PTRH1: variants seen among roughly 807,000 people sequenced by gnomAD.
PTRH1 encodes peptidyl-tRNA hydrolase.
Under a neutral mutation model 15.7 loss-of-function variants are expected in PTRH1, and 13 were observed. The observed-to-expected ratio is 0.83, with a 90% CI of 0.54 to 1.31. The LOEUF (loss-of-function observed/expected upper bound fraction) is 1.31, where lower values mean the gene tolerates loss of function less well. Among genes scored for constraint, PTRH1 ranks in the 40% most tolerant of loss-of-function variants. The probability of loss-of-function intolerance (pLI) is 0.00; values close to 1 mark genes in which losing one functional copy is unlikely to be tolerated. For missense variants in PTRH1, 319 were observed against 296.2 expected, an observed-to-expected ratio of 1.08 and a Z score of -0.56; for synonymous variants, 139 against 136.7, an observed-to-expected ratio of 1.02 and a Z score of -0.12.
chr9:127,697,084 A>G (rs1397826335), intron 1 of PTRH1, among the ~76,000 whole-genome samples: 8 of 152,240 alleles, frequency 5.3e-5, no homozygotes, highest in Admixed American at 5.2e-4. Context: ...ATTACCTGTT[A>G]TAAAAGAACA....
chr9:127,713,390 C>A (rs201243317), downstream of PTRH1: 100 of 528,054 alleles, frequency 1.9e-4, no homozygotes, highest in East Asian at 3.1e-3. Context: ...CATGCCCACA[C>A]ATGCCCTGGG....
chr9:127,709,011 C>CA (rs933718618), downstream of PTRH1, among the ~76,000 whole-genome samples: 1 of 152,204 alleles, frequency 6.6e-6, no homozygotes. The surrounding 1 kb of genome is among the most constrained non-coding windows in gnomAD (Gnocchi z 4.7). Flanking sequence ...CTTACAAACT[C>CA]AGAGTTCCTT....
At chr9:127,701,651 G>C (rs564098348) in intron 1 of PTRH1, among the ~76,000 whole-genome samples, 3 of 152,308 alleles carry the variant, frequency 2.0e-5, no homozygotes, top group African/African-American at 7.2e-5. Context: ...GGTGGCTCAC[G>C]CCTGTAATCC....
downstream of PTRH1, chr9:127,713,610 G>C (rs545919288): frequency 2.5e-6 from 1 of 397,590 alleles, no homozygotes; most frequent in Admixed American, 4.0e-5. Context: ...AGGTTCAAGT[G>C]ATTCTCCTGC....
intron 2 of PTRH1, 55 bp downstream of exon 2, chr9:127,714,920 G>GCCCCCCCCCCCCCC: frequency 2.2e-6 from 1 of 454,990 alleles, no homozygotes; most frequent in Non-Finnish European, 4.0e-6. Flanking sequence ...TGGCCCCCGC[G>GCCCCCCCCCCCCCC]CCCCAACCCC....
At chr9:127,709,731 A>G (rs761954321), downstream of PTRH1, 17 of 1,593,586 alleles carry the variant, frequency 1.1e-5, no homozygotes, top group East Asian at 3.0e-4. This position sits in a 1 kb window ranked among gnomAD's most constrained non-coding sequence, Gnocchi z 4.7. Flanking sequence ...GCAGGCACAC[A>G]TCCCAGCTCT....
chr9:127,711,747 C>T (rs1842769804), downstream of PTRH1: 18 of 1,500,650 alleles, frequency 1.2e-5, no homozygotes, highest in Middle Eastern at 1.7e-4. Context: ...TAGGGGAACA[C>T]GGGAGGCCTG....
chr9:127,715,298 G>T lies in PTRH1; in HGVS notation c.97-104C>A. ...CAGAGGAGCGGAAACGCAGAGCAAC[G>T]CTGCAGTGGGGAAGGGGCGCGAAGA... On this transcript the variant is annotated intron_variant, in intron 1 of 4. Coordinates refer to ENST00000543175, the MANE Select transcript of PTRH1 (RefSeq NM_001002913.3). The surrounding 1 kb of genome is among the most constrained non-coding windows in gnomAD (Gnocchi z 5.8). 7.4e-7 allele frequency: 1 copy of T among 1,357,126 alleles called. No individual in the cohort carries two copies. Among genetic ancestry groups the T allele is most frequent in the Non-Finnish European group, 1.0e-6 (1 of 983,632 alleles). The allele number at this position is 1,357,126 out of a possible 1,614,324, so 84.1% of individuals were successfully genotyped here.
chr9:127,695,217 T>A (rs1842548580), intron 1 of PTRH1: 2 of 627,230 alleles, frequency 3.2e-6, no homozygotes, highest in Admixed American at 2.4e-5. Flanking sequence ...AGATAAACTG[T>A]GTATTCACCC....
At chr9:127,708,494 T>C in intron 1 of PTRH1, among the ~76,000 whole-genome samples, 1 of 151,122 alleles carries the variant, frequency 6.6e-6, no homozygotes, top group African/African-American at 2.4e-5. Flanking sequence ...AATTAATTAA[T>C]TTAATTTAAT....
chr9:127,712,753 G>A (rs2131592884), downstream of PTRH1: 2 of 1,614,198 alleles, frequency 1.2e-6, no homozygotes, highest in East Asian at 2.2e-5. Context: ...TGACGTTCCA[G>A]CCATGGCACA....
At chr9:127,707,895 TGA>T (rs1842682835) in intron 1 of PTRH1, among the ~76,000 whole-genome samples, 1 of 152,192 alleles carries the variant, frequency 6.6e-6, no homozygotes, top group Admixed American at 6.5e-5. Flanking sequence ...ATGCTGTGGG[TGA>T]CCACAGCTAA....
At chr9:127,700,303 C>T (rs1160543365) in intron 1 of PTRH1, among the ~76,000 whole-genome samples, 7 of 152,104 alleles carry the variant, frequency 4.6e-5, no homozygotes, top group Admixed American at 4.6e-4. Flanking sequence ...CTTTCCACCT[C>T]CCACCCACAC....
At chr9:127,715,670 T>C (rs1214595406), upstream of PTRH1, 1 of 1,603,150 alleles carries the variant, frequency 6.2e-7, no homozygotes, top group Non-Finnish European at 8.5e-7. The surrounding 1 kb of genome is among the most constrained non-coding windows in gnomAD (Gnocchi z 5.8). Context: ...CACCGCCCCC[T>C]GACGTCATCA....
At chr9:127,712,936 A>G, downstream of PTRH1, 2 of 1,588,522 alleles carry the variant, frequency 1.3e-6, no homozygotes, top group Non-Finnish European at 8.6e-7. Flanking sequence ...AAAGGCATTC[A>G]GCCATGGGGA....
At chr9:127,703,514 G>A (rs1842619765) in intron 1 of PTRH1, among the ~76,000 whole-genome samples, 1 of 152,046 alleles carries the variant, frequency 6.6e-6, no homozygotes, top group Admixed American at 6.6e-5. Flanking sequence ...AGTCAATTAC[G>A]CTATTTAAAC....
At chr9:127,713,661 C>T (rs1842823507), downstream of PTRH1, 3 of 525,732 alleles carry the variant, frequency 5.7e-6, 1 homozygote, top group East Asian at 3.6e-5. Context: ...CATGCACCAC[C>T]ATGCCTGGCT....
chr9:127,712,072 A>T, downstream of PTRH1: 2 of 1,502,050 alleles, frequency 1.3e-6, no homozygotes, highest in South Asian at 2.6e-5. Flanking sequence ...CCTGCCAGAC[A>T]GGCTGAGGCT....
rs754107134 is a variant in PTRH1 at position 127,715,083 on chromosome 9, G to C, written c.208C>G (p.Arg70Gly). Residue 70 changes from arginine (R) to glycine (G), a missense_variant, in exon 2 of 5, where the codon CGG becomes GGG. Coordinates refer to ENST00000543175, the MANE Select transcript of PTRH1 (RefSeq NM_001002913.3). The surrounding 1 kb of genome is among the most constrained non-coding windows in gnomAD (Gnocchi z 5.8). ...LGVAESWTRD[R>G]HCAADLALAP... ...AGGGCGAGGTCGGCGGCACAGTGCC[G>C]GTCGCGCGTCCAACTCTCCGCCACA... The C allele has an allele frequency of 2.7e-5, 41 of 1,531,740 alleles. No individual in the cohort carries two copies. The highest frequency in any genetic ancestry group is 3.4e-5 in the Non-Finnish European group (39 of 1,145,172). 94.9% of individuals were successfully genotyped at this position (1,531,740 alleles called of 1,614,324 possible).
Sources: gnomAD v4.1 joint callset for allele counts (sites outside exome capture counted in the v4.1 genomes callset) on GRCh38, gnomAD v4.1.1 for gene constraint, Gnocchi (gnomAD v3.1) non-coding constraint, MANE v1.5 for transcripts, NCBI Gene and HGNC (gene_info 2026-07-23, HGNC 2026-07-21) for gene names.